LOXHD1: variants seen among roughly 807,000 people sequenced by gnomAD.
The protein encoded by LOXHD1 is lipoxygenase homology PLAT domains 1, also known as lipoxygenase homology domain-containing protein 1.
Under a neutral mutation model 248.2 loss-of-function variants are expected in LOXHD1, and 205 were observed. The ratio of observed to expected loss-of-function variants is 0.83; its 90% CI spans 0.74 to 0.93. LOXHD1 has a LOEUF of 0.93. Ranked by LOEUF, LOXHD1 falls within the 40% of genes least tolerant of loss-of-function variation. The pLI is 0.00. For synonymous variants in LOXHD1, 1,113 were observed against 1,162.8 expected (o/e 0.96, Z 0.87); for missense variants, 2,930 against 2,971.6 (o/e 0.99, Z 0.33).
In LOXHD1 at chr18:46,572,160, C is replaced by T. The variant is rs1402775763; in HGVS notation, c.1973G>A (p.Trp658Ter). Residue 658 changes from tryptophan (W) to a stop codon, truncating the protein, a stop_gained and splice_region_variant, in exon 15 of 41, where the codon TGG becomes TAG. Transcript: ENST00000642948. LOFTEE classifies it high-confidence loss of function. ...SDNVEFPCLRWLDKDKDDGQL... is the reference protein window; with the variant it reads ...SDNVEFPCLR Reference sequence around the variant, plus strand: ...CCCATCATCCTTATCCTTGTCCAACCACCTGGTGGGCAAATGGGGGAATGT... The same window carrying T: ...CCCATCATCCTTATCCTTGTCCAACTACCTGGTGGGCAAATGGGGGAATGT... The T allele has an allele frequency of 6.4e-7, 1 of 1,551,826 alleles. No homozygotes were observed. Among genetic ancestry groups the T allele is most frequent in the South Asian group, 1.2e-5 (1 of 84,050 alleles).
At chr18:46,500,716 C>T (rs929039225) in intron 37 of LOXHD1, among the ~76,000 whole-genome samples, 2 of 152,132 alleles carry the variant, frequency 1.3e-5, no homozygotes, top group Non-Finnish European at 2.9e-5. Context: ...TATATTGTAG[C>T]TTCCACCCCT....
chr18:46,560,088 G>A lies in LOXHD1; in HGVS notation c.3056C>T (p.Pro1019Leu). The A allele has an allele frequency of 2.4e-6, 2 of 850,930 alleles. No homozygotes were observed. The highest frequency in any genetic ancestry group is 3.0e-5 in the South Asian group (2 of 66,456). The allele number at this position is 850,930 out of a possible 1,614,324, so 52.7% of individuals were successfully genotyped here. The change falls in exon 19 of 41, where the codon CCT becomes CTT. Residue 1019 changes from proline to leucine, a missense_variant. Coordinates refer to ENST00000642948, the MANE Select transcript of LOXHD1 (RefSeq NM_001384474.1). Reference sequence around the variant, plus strand: ...ACCCCCCACGACCCACTTACGCTCAGGACCCGGCTTGCCAGCTGGCACCAA... The same window carrying A: ...ACCCCCCACGACCCACTTACGCTCAAGACCCGGCTTGCCAGCTGGCACCAA... ...VELVPAGKPG[P>L]ERNTYEVQVV...
Position 46,592,073 on chromosome 18 carries a change from A to C in LOXHD1, c.1519-5T>G. On this transcript the variant is annotated splice_region_variant and splice_polypyrimidine_tract_variant and intron_variant, in intron 11 of 40. Coordinates refer to ENST00000642948, the MANE Select transcript of LOXHD1 (RefSeq NM_001384474.1). ...CAGAGTGTTCATCAGGGTCATCTGG[A>C]ATGAAGTTCTGGGGTGAGCAAGTTG... 6.4e-7 allele frequency: 1 copy of C among 1,552,240 alleles called. No individual in the cohort carries two copies. The highest frequency in any genetic ancestry group is 8.7e-7 in the Non-Finnish European group (1 of 1,147,090).
chr18:46,629,191 C>T (rs149825393), intron 4 of LOXHD1, among the ~76,000 whole-genome samples: 29 of 152,268 alleles, frequency 1.9e-4, no homozygotes, highest in African/African-American at 7.0e-4. Context: ...GAGGGAGAAA[C>T]TGAGGATAGG....
At chr18:46,629,687 G>A (rs1330123053) in intron 4 of LOXHD1, among the ~76,000 whole-genome samples, 1 of 151,462 alleles carries the variant, frequency 6.6e-6, no homozygotes, top group African/African-American at 2.4e-5. Flanking sequence ...AAACAGCCAG[G>A]AATGGAAACA....
intron 17 of LOXHD1, among the ~76,000 whole-genome samples, chr18:46,565,752 C>T (rs2037626805): frequency 6.6e-6 from 1 of 152,142 alleles, no homozygotes; most frequent in South Asian, 2.1e-4. Context: ...TTATACTGTA[C>T]TGTTAGGGAA....
At position 46,506,019 on chromosome 18, in the gene LOXHD1, T is replaced by C. The variant is rs1394674749; in HGVS notation, c.5697A>G (p.Ala1899=). The C allele has an allele frequency of 5.8e-6, 9 of 1,552,048 alleles. No individual in the cohort carries two copies. In the African/African-American group the frequency reaches 1.1e-4, roughly 19 times the overall value. The change falls in exon 37 of 41, where the codon GCA becomes GCG. Residue 1899 remains alanine (A), a synonymous_variant. Transcript: ENST00000642948. The stretch of plus-strand genomic sequence containing the variant: ...TGATGAACACGTTGGCATCAGTGCC[T>C]GCTCCTGGGGGGTGCACAAGGTGAG... ...VAVKTSDILG[A]GTDANVFIII... is the part of the protein sequence containing the mutation.
rs150694377 is a variant in LOXHD1, at chr18:46,562,318, G to A, written c.2598+747C>T. On this transcript the variant is annotated intron_variant, in intron 18 of 40. Transcript: ENST00000642948. Reference sequence around the variant, plus strand: ...CTGAAGGCTAAGGTGCTCCTGGCATGCAGAAACACAAGGCACCCAGCATGA... The same window carrying A: ...CTGAAGGCTAAGGTGCTCCTGGCATACAGAAACACAAGGCACCCAGCATGA... Among the ~76,000 whole-genome samples, 284 of 152,326 alleles carry A rather than the reference G, an allele frequency of 1.9e-3. 1 individual carries two copies. The highest frequency in any genetic ancestry group is 6.7e-3 in the African/African-American group (279 of 41,574).
chr18:46,507,547 C>T lies in LOXHD1; in HGVS notation c.5683G>A (p.Asp1895Asn), dbSNP rs989272108. 10 of 1,551,580 alleles carry T rather than the reference C, an allele frequency of 6.4e-6. No individual in the cohort carries two copies. Among genetic ancestry groups the T allele is most frequent in the African/African-American group, 2.7e-5 (2 of 73,044 alleles). ...TSYTVAVKTSDILGAGTDANV... is the reference protein window; with the variant it reads ...TSYTVAVKTSNILGAGTDANV... ...GGGACCCCCGACCCACCCAGGATGT[C>T]GCTGGTCTTAACTGCGACGGTGTAG... The change falls in exon 36 of 41, where the codon GAC becomes AAC. Residue 1895 changes from aspartate (D) to asparagine (N), a missense_variant. Asp to Asn is a conservative substitution (Grantham distance 23). Transcript: ENST00000642948.
At chr18:46,518,102 T>G in intron 34 of LOXHD1, 27 bp downstream of exon 34, 1 of 1,549,272 alleles carries the variant, frequency 6.5e-7, no homozygotes, top group Non-Finnish European at 8.7e-7. Flanking sequence ...GTGGGAGGGG[T>G]GAGGGGCAGG....
chr18:46,500,696 G>C (rs1666372303), intron 37 of LOXHD1, among the ~76,000 whole-genome samples: 1 of 152,206 alleles, frequency 6.6e-6, no homozygotes, highest in South Asian at 2.1e-4. Flanking sequence ...TGCATGGCCT[G>C]GTTCCTATCT....
chr18:46,494,334 G>A lies in LOXHD1; in HGVS notation c.5879-5192C>T, dbSNP rs137950039. Among the ~76,000 whole-genome samples the A allele has an allele frequency of 1.2e-3, 182 of 152,254 alleles. 1 individual carries two copies. Among genetic ancestry groups the A allele is most frequent in the African/African-American group, 4.2e-3 (175 of 41,542 alleles). On this transcript the variant is annotated intron_variant, in intron 37 of 40. Transcript: ENST00000642948. ...ATCAATGATTTTTACTTTCTAAAGT[G>A]AACTGTCAATTCTTTGCTCCAGCAC...
At chr18:46,567,369 T>C (rs1442870160) in intron 16 of LOXHD1, among the ~76,000 whole-genome samples, 1 of 152,238 alleles carries the variant, frequency 6.6e-6, no homozygotes, top group Admixed American at 6.5e-5. Context: ...AGTGCCTCTT[T>C]GCAGCTGGTA....
In LOXHD1 at chr18:46,560,530, C is replaced by T. The variant is rs1045162755; in HGVS notation, c.2614G>A (p.Val872Met). 9 of 1,531,074 alleles carry T rather than the reference C, an allele frequency of 5.9e-6. No individual in the cohort carries two copies. The highest frequency in any genetic ancestry group is 2.5e-5 in the East Asian group (1 of 40,802). The allele number at this position is 1,531,074 out of a possible 1,614,324, so 94.8% of individuals were successfully genotyped here. A position where few individuals can be genotyped will look rare whatever the true frequency, so the allele number is the denominator to read the frequency against. Residue 872 changes from valine (V) to methionine (M), a missense_variant, in exon 19 of 41, where the codon GTG becomes ATG. Physicochemically the swap from Val to Met is conservative, Grantham distance 21. Transcript: ENST00000642948. ...KDTFQLEAAD[V>M]GEVYKLRLGH... ...AGCCGGAGCTTATAGACCTCGCCCACGTCGGCCGCCTCAAGCTGTTCAAAG... is the reference window on the plus strand; with the variant it reads ...AGCCGGAGCTTATAGACCTCGCCCATGTCGGCCGCCTCAAGCTGTTCAAAG...
At chr18:46,578,007 T>A in intron 13 of LOXHD1, 140 bp from the exon 14 acceptor site, 1 of 825,558 alleles carries the variant, frequency 1.2e-6, no homozygotes, top group Non-Finnish European at 1.9e-6. Flanking sequence ...GGACAGGAGC[T>A]ACCTATAAAG....
chr18:46,625,067 T>A (rs1052500447), intron 4 of LOXHD1, among the ~76,000 whole-genome samples: 13 of 152,284 alleles, frequency 8.5e-5, no homozygotes, highest in African/African-American at 3.1e-4. Context: ...CTTAAGAAGC[T>A]TGATGGTGTT....
chr18:46,515,151 G>A lies in LOXHD1; in HGVS notation c.5399+2978C>T, dbSNP rs569315320. The stretch of plus-strand genomic sequence containing the variant: ...GGGTATAGCATCTGACTGCAGGAGC[G>A]TTGCAGCAGGTAGAAGCCTCATGAT... On this transcript the variant is annotated intron_variant, in intron 34 of 40. Coordinates refer to ENST00000642948, the MANE Select transcript of LOXHD1 (RefSeq NM_001384474.1). Among the ~76,000 whole-genome samples the A allele has an allele frequency of 5.9e-5, 9 of 152,298 alleles. No individual in the cohort carries two copies. In the South Asian group the frequency reaches 6.2e-4, roughly 11 times the overall value.
intron 14 of LOXHD1, among the ~76,000 whole-genome samples, chr18:46,575,627 G>A (rs1485253037): frequency 6.6e-6 from 1 of 152,186 alleles, no homozygotes; most frequent in Non-Finnish European, 1.5e-5. Context: ...GAGGCTGCTG[G>A]GGTGAGGACA....
intron 28 of LOXHD1, among the ~76,000 whole-genome samples, chr18:46,532,953 T>C (rs2036139239): frequency 6.6e-6 from 1 of 152,232 alleles, no homozygotes; most frequent in South Asian, 2.1e-4. Flanking sequence ...AGCTGAGACT[T>C]TGAAGACTAG....
Sources: gnomAD v4.1 joint callset for allele counts (sites outside exome capture counted in the v4.1 genomes callset) on GRCh38, gnomAD v4.1.1 for gene constraint, MANE v1.5 for transcripts, NCBI Gene and HGNC (gene_info 2026-07-23, HGNC 2026-07-21) for gene names.